TTC28: variants seen among roughly 807,000 people sequenced by gnomAD.
The protein encoded by TTC28 is tetratricopeptide repeat protein 28.
A neutral mutation model predicts 198.0 loss-of-function variants in TTC28; 61 were observed. The observed-to-expected ratio is 0.31, with a 90% CI of 0.25 to 0.38. The LOEUF (loss-of-function observed/expected upper bound fraction) is 0.38, where lower values mean the gene tolerates loss of function less well. TTC28 is among the 10% of genes least tolerant of loss of function. The pLI is 1.00. For missense variants in TTC28, 2,678 were observed against 3,164.0 expected, an observed-to-expected ratio of 0.85 and a Z score of 3.69; for synonymous variants, 1,171 against 1,297.8, an observed-to-expected ratio of 0.90 and a Z score of 2.10.
chr22:28,218,737 T>C (rs1488340768), intron 5 of TTC28, among the ~76,000 whole-genome samples: 1 of 152,156 alleles, frequency 6.6e-6, no homozygotes, highest in African/African-American at 2.4e-5. Context: ...GGGTTGAGAT[T>C]TATTAAAATT....
chr22:28,554,104 T>C (rs1022262951), intron 2 of TTC28, among the ~76,000 whole-genome samples: 34 of 152,216 alleles, frequency 2.2e-4, no homozygotes, highest in African/African-American at 8.0e-4. Flanking sequence ...AAACATGTGC[T>C]GTGTCCACTC....
Position 27,982,797 on chromosome 22 carries a change from G to T in TTC28, c.6870C>A (p.Tyr2290Ter). Residue 2290 changes from tyrosine to a stop codon, truncating the protein, a stop_gained, in exon 23 of 23, where the codon TAC becomes TAA. Transcript: ENST00000397906. LOFTEE classifies it high-confidence loss of function. The surrounding 1 kb of genome is among the most constrained non-coding windows in gnomAD (Gnocchi z 5.2). ...TGTGAGCGCTGTAAGGAGAGCTGGG[G>T]TACTTCAGTTTAAAGAGAGGCTGGT... ...QLDQPLFKLK[Y>*]PSSPYSAHIS... 1 of 1,544,794 alleles carries T rather than the reference G, an allele frequency of 6.5e-7. No homozygotes were observed. Among genetic ancestry groups the T allele is most frequent in the Non-Finnish European group, 8.8e-7 (1 of 1,142,692 alleles).
chr22:28,220,464 G>A (rs1000193473), intron 5 of TTC28, among the ~76,000 whole-genome samples: 1 of 152,204 alleles, frequency 6.6e-6, no homozygotes, highest in Non-Finnish European at 1.5e-5. Flanking sequence ...TTCCCTGCTT[G>A]TGCAGTTGTT....
intron 2 of TTC28, among the ~76,000 whole-genome samples, chr22:28,495,845 T>C (rs2048447334): frequency 1.3e-5 from 2 of 152,036 alleles, no homozygotes; most frequent in Non-Finnish European, 2.9e-5. Flanking sequence ...ATTCATAATA[T>C]ACTCCTCATC....
At chr22:28,648,532 C>T (rs1355381980) in intron 1 of TTC28, among the ~76,000 whole-genome samples, 1 of 152,222 alleles carries the variant, frequency 6.6e-6, no homozygotes, top group African/African-American at 2.4e-5. Context: ...ATCAAAAAGA[C>T]ACATGCATGC....
chr22:28,581,704 C>T (rs1257006065), intron 2 of TTC28, among the ~76,000 whole-genome samples: 2 of 152,098 alleles, frequency 1.3e-5, no homozygotes, highest in African/African-American at 4.8e-5. Context: ...TTGCTTGAGC[C>T]CAGGAGTTCA....
intron 2 of TTC28, among the ~76,000 whole-genome samples, chr22:28,440,880 A>T (rs2047610237): frequency 6.6e-6 from 1 of 152,208 alleles, no homozygotes; most frequent in Non-Finnish European, 1.5e-5. Flanking sequence ...CCTATTTCCA[A>T]TGTAGAAGAA....
At chr22:28,567,794 A>G (rs2050003886) in intron 2 of TTC28, among the ~76,000 whole-genome samples, 3 of 152,032 alleles carry the variant, frequency 2.0e-5, no homozygotes, top group Admixed American at 1.3e-4. Flanking sequence ...AACGCAAAAC[A>G]TAGGCAAAGG....
chr22:28,200,604 G>T (rs1021068890), intron 5 of TTC28, among the ~76,000 whole-genome samples: 4 of 152,096 alleles, frequency 2.6e-5, no homozygotes, highest in Non-Finnish European at 5.9e-5. Context: ...TAGAACTGGG[G>T]TTTAGAATCG....
chr22:28,369,857 C>T (rs966368665), intron 2 of TTC28, among the ~76,000 whole-genome samples: 4 of 152,072 alleles, frequency 2.6e-5, no homozygotes, highest in Admixed American at 6.5e-5. Flanking sequence ...TAGGAATATA[C>T]AGTAGACATG....
chr22:28,323,471 T>C (rs763748815), intron 2 of TTC28, among the ~76,000 whole-genome samples: 19 of 152,096 alleles, frequency 1.2e-4, no homozygotes, highest in Admixed American at 2.0e-4. Flanking sequence ...AAAAATGCAA[T>C]TGATATATGA....
intron 1 of TTC28, among the ~76,000 whole-genome samples, chr22:28,632,343 T>C (rs944719739): frequency 1.4e-5 from 2 of 142,882 alleles, no homozygotes; most frequent in African/African-American, 2.6e-5. Context: ...TCTCGACTCA[T>C]TGCAACCTCT....
chr22:28,391,518 T>C (rs2046719862), intron 2 of TTC28, among the ~76,000 whole-genome samples: 1 of 152,238 alleles, frequency 6.6e-6, no homozygotes, highest in Non-Finnish European at 1.5e-5. Context: ...TAGTCCCATA[T>C]TTCTTGGAGG....
At chr22:28,199,454 A>T (rs1457524942) in intron 5 of TTC28, among the ~76,000 whole-genome samples, 1 of 141,186 alleles carries the variant, frequency 7.1e-6, no homozygotes, top group Non-Finnish European at 1.5e-5. Flanking sequence ...GGTTTCACTG[A>T]CCATGATTGT....
At chr22:28,308,984 A>C (rs994244529) in intron 2 of TTC28, among the ~76,000 whole-genome samples, 4 of 152,168 alleles carry the variant, frequency 2.6e-5, no homozygotes, top group African/African-American at 9.7e-5. Flanking sequence ...TGCAATATTC[A>C]TTGCATGTAC....
At chr22:28,325,095 C>T (rs134484) in intron 2 of TTC28, among the ~76,000 whole-genome samples, 129,709 of 150,666 alleles carry the variant, frequency 0.86, 56,124 homozygotes, top group East Asian at 0.99. Context: ...GCTGTGAATC[C>T]GTCTGGTCCT....
At chr22:28,657,793 C>T (rs1210225239) in intron 1 of TTC28, among the ~76,000 whole-genome samples, 2 of 151,998 alleles carry the variant, frequency 1.3e-5, no homozygotes, top group South Asian at 2.1e-4. Context: ...ACGTGAGAAT[C>T]GCTTGAACCT....
At chr22:28,266,822 T>C (rs577894562) in intron 5 of TTC28, among the ~76,000 whole-genome samples, 2 of 152,320 alleles carry the variant, frequency 1.3e-5, no homozygotes, top group African/African-American at 4.8e-5. Flanking sequence ...AGCATTATTA[T>C]AGCAATATAA....
chr22:28,636,435 T>C (rs1317976638), intron 1 of TTC28, among the ~76,000 whole-genome samples: 1 of 152,160 alleles, frequency 6.6e-6, no homozygotes, highest in Non-Finnish European at 1.5e-5. Flanking sequence ...AATAATATTG[T>C]ATTTTGCACA....
Sources: gnomAD v4.1 joint callset for allele counts (sites outside exome capture counted in the v4.1 genomes callset) on GRCh38, gnomAD v4.1.1 for gene constraint, Gnocchi (gnomAD v3.1) non-coding constraint, MANE v1.5 for transcripts, NCBI Gene and HGNC (gene_info 2026-07-23, HGNC 2026-07-21) for gene names.